SLC8A2: variants seen among roughly 807,000 people sequenced by gnomAD.
The protein encoded by SLC8A2 is solute carrier family 8 member A2.
Under a neutral mutation model 70.2 loss-of-function variants are expected in SLC8A2, and 14 were observed. The observed-to-expected ratio is 0.20, with a 90% CI of 0.13 to 0.31. The LOEUF is 0.31. Ranked by LOEUF, SLC8A2 falls within the 10% of genes least tolerant of loss-of-function variation. The probability of loss-of-function intolerance (pLI) is 1.00; values close to 1 mark genes in which losing one functional copy is unlikely to be tolerated. For synonymous variants in SLC8A2, 575 were observed against 594.3 expected (o/e 0.97, Z 0.47); for missense variants, 779 against 1,320.1 (o/e 0.59, Z 6.35).
chr19:47,456,639 T>G (rs1967306298), intron 3 of SLC8A2, among the ~76,000 whole-genome samples: 1 of 152,206 alleles, frequency 6.6e-6, no homozygotes, highest in South Asian at 2.1e-4. Context: ...CACTCCAGCC[T>G]GGGCAGCATA....
At chr19:47,438,048 C>T (rs868099525) in intron 6 of SLC8A2, 75 bp from the exon 7 acceptor site, 12 of 1,573,066 alleles carry the variant, frequency 7.6e-6, no homozygotes, top group African/African-American at 5.4e-5. Flanking sequence ...TACTACCTGT[C>T]CCCATAGTTA....
chr19:47,457,111 C>T lies in SLC8A2; in HGVS notation c.1159G>A (p.Glu387Lys), dbSNP rs1967315159. ...RRAAPAEGAG[E>K]DEDDGASRIF... The stretch of plus-strand genomic sequence containing the variant: ...CGGCTGGCGCCGTCGTCTTCGTCCT[C>T]GCCCGCGCCCTCGGCCGGCGCCGCC... The change falls in exon 3 of 10, where the codon GAG becomes AAG. Residue 387 changes from glutamate to lysine, a missense_variant. Physicochemically the swap from Glu to Lys is moderately conservative, Grantham distance 56. Around this residue, in one of 6 missense-constraint regions of SLC8A2, gnomAD observed 186 missense variants for 246.6 expected, o/e 0.75. Transcript: ENST00000236877. 1.3e-6 allele frequency: 2 copies of T among 1,552,602 alleles called. No individual in the cohort carries two copies. Among genetic ancestry groups the T allele is most frequent in the African/African-American group, 2.7e-5 (2 of 72,954 alleles).
intron 6 of SLC8A2, among the ~76,000 whole-genome samples, chr19:47,440,346 A>G (rs1967085768): frequency 6.6e-6 from 1 of 151,606 alleles, no homozygotes; most frequent in South Asian, 2.1e-4. Flanking sequence ...ACCCCACCTC[A>G]CTCCTAATCA....
intron 2 of SLC8A2, among the ~76,000 whole-genome samples, chr19:47,457,797 T>TTTTCTCTTC (rs1555750060): frequency 9.5e-5 from 9 of 94,914 alleles, no homozygotes; most frequent in Non-Finnish European, 1.9e-4. Flanking sequence ...TTTTCTTTTC[T>TTTTCTCTTC]CTTCCTTCCT....
intron 8 of SLC8A2, among the ~76,000 whole-genome samples, chr19:47,436,429 G>A (rs1967029967): frequency 1.3e-5 from 2 of 152,216 alleles, no homozygotes; most frequent in Non-Finnish European, 2.9e-5. Flanking sequence ...TCCCTCAGAA[G>A]TATGTCAGAA....
intron 9 of SLC8A2, among the ~76,000 whole-genome samples, chr19:47,431,657 CAAAAAAA>C (rs774813485): frequency 4.2e-5 from 2 of 47,282 alleles, no homozygotes; most frequent in African/African-American, 9.1e-5. Flanking sequence ...GTCCCCACAC[CAAAAAAA>C]AAAAAAAAAA....
In SLC8A2 at chr19:47,447,921, C is replaced by T; in HGVS notation, c.1651G>A (p.Ala551Thr). 1 of 1,567,670 alleles carries T rather than the reference C, an allele frequency of 6.4e-7. No homozygotes were observed. Residue 551 changes from alanine to threonine, a missense_variant, in exon 4 of 10, where the codon GCG (alanine) becomes ACG (threonine). Physicochemically the swap from Ala to Thr is moderately conservative, Grantham distance 58. Coordinates refer to ENST00000236877, the MANE Select transcript of SLC8A2 (RefSeq NM_015063.3). This position sits in a 1 kb window ranked among gnomAD's most constrained non-coding sequence, Gnocchi z 5.1. ...VDVRVVRSSG[A>T]RGTVRLPYRT... The stretch of plus-strand genomic sequence containing the variant: ...TAGGGAAGGCGCACGGTGCCGCGCG[C>T]GCCCGAGCTGCGCACGACGCGCACG...
intron 2 of SLC8A2, among the ~76,000 whole-genome samples, chr19:47,459,531 C>T (rs374592264): frequency 1.8e-4 from 27 of 151,806 alleles, no homozygotes; most frequent in East Asian, 1.4e-3. Flanking sequence ...CGTGCGTGCG[C>T]GTGTGTGCGC....
At chr19:47,437,280 C>G (rs1348803181) in intron 8 of SLC8A2, among the ~76,000 whole-genome samples, 182 bp downstream of exon 8, 1 of 152,044 alleles carries the variant, frequency 6.6e-6, no homozygotes, top group Non-Finnish European at 1.5e-5. Flanking sequence ...TCATTGCAGC[C>G]TCAAACTCCT....
At chr19:47,444,286 A>G (rs1306649582) in intron 4 of SLC8A2, among the ~76,000 whole-genome samples, 2 of 152,022 alleles carry the variant, frequency 1.3e-5, no homozygotes, top group Non-Finnish European at 2.9e-5. Context: ...CAAGCAGAAG[A>G]GTTTCAATCA....
intron 2 of SLC8A2, among the ~76,000 whole-genome samples, chr19:47,459,578 G>C (rs1055063168): frequency 3.3e-5 from 5 of 151,904 alleles, no homozygotes; most frequent in Non-Finnish European, 5.9e-5. Context: ...ATGTGTATGT[G>C]CGTGTGTGTG....
intron 7 of SLC8A2, 21 bp downstream of exon 7, chr19:47,437,828 G>A: frequency 1.2e-6 from 2 of 1,613,896 alleles, no homozygotes; most frequent in Non-Finnish European, 1.7e-6. Flanking sequence ...ACTCCAGGAA[G>A]GTGAGGCCCC....
Position 47,447,621 on chromosome 19 carries a change from TCGTGGGCATGGGTCACAGGC to T in SLC8A2, c.1763+168_1763+187del. 2.5e-6 allele frequency: 1 copy of T among 395,246 alleles called. No homozygotes were observed. Among genetic ancestry groups the T allele is most frequent in the Non-Finnish European group, 4.4e-6 (1 of 228,900 alleles). 24.5% of individuals were successfully genotyped at this position (395,246 alleles called of 1,614,324 possible). ...GCTGTTCAGTGAAGCCCCGCCCACGTCGTGGGCATGGGTCACAGGCCCCGCCCACGTTGCGGGCACGGCCA... is the reference window on the plus strand; with the variant it reads ...GCTGTTCAGTGAAGCCCCGCCCACGTCCCGCCCACGTTGCGGGCACGGCCA... On this transcript the variant is annotated intron_variant, in intron 4 of 9. Transcript: ENST00000236877. This position sits in a 1 kb window ranked among gnomAD's most constrained non-coding sequence, Gnocchi z 5.1.
At position 47,430,514 on chromosome 19, in the gene SLC8A2, C is replaced by A. The variant is rs1356777648; in HGVS notation, c.2390-49G>T. 3.3e-6 allele frequency: 5 copies of A among 1,508,632 alleles called. No individual in the cohort carries two copies. Among genetic ancestry groups the A allele is most frequent in the Non-Finnish European group, 8.8e-7 (1 of 1,132,716 alleles). 93.5% of individuals were successfully genotyped at this position (1,508,632 alleles called of 1,614,324 possible). On this transcript the variant is annotated intron_variant, in intron 9 of 9. Coordinates refer to ENST00000236877, the MANE Select transcript of SLC8A2 (RefSeq NM_015063.3). This position sits in a 1 kb window ranked among gnomAD's most constrained non-coding sequence, Gnocchi z 5.9. ...CGGAGGGGCTTTGCGCCGCCACCCA[C>A]AGGGGCGGGCATCCGCCTGCCCCCT...
chr19:47,435,076 G>A (rs985322343), intron 8 of SLC8A2, among the ~76,000 whole-genome samples: 2 of 151,996 alleles, frequency 1.3e-5, no homozygotes, highest in Non-Finnish European at 2.9e-5. Flanking sequence ...AGACATGGTG[G>A]TGGGTGCCTG....
intron 1 of SLC8A2, among the ~76,000 whole-genome samples, chr19:47,467,165 A>G (rs1967473856): frequency 6.6e-6 from 1 of 152,232 alleles, no homozygotes; most frequent in Admixed American, 6.5e-5. Context: ...GAGGATTTGC[A>G]CAGTGGAATA....
At position 47,465,684 on chromosome 19, in the gene SLC8A2, G is replaced by C; in HGVS notation, c.675+45C>G. On this transcript the variant is annotated intron_variant, in intron 2 of 9. Transcript: ENST00000236877. This position sits in a 1 kb window ranked among gnomAD's most constrained non-coding sequence, Gnocchi z 5.5. ...AGCCAAGAGCACCTCTCTGGATTTT[G>C]CAGACACACATGCACCAAGAAAGCA... The C allele has an allele frequency of 6.7e-7, 1 of 1,483,088 alleles. No individual in the cohort carries two copies. The highest frequency in any genetic ancestry group is 9.2e-7 in the Non-Finnish European group (1 of 1,091,854). 91.9% of individuals were successfully genotyped at this position (1,483,088 alleles called of 1,614,324 possible).
chr19:47,464,983 A>G (rs1225294186), intron 2 of SLC8A2, among the ~76,000 whole-genome samples: 1 of 152,220 alleles, frequency 6.6e-6, no homozygotes, highest in Non-Finnish European at 1.5e-5. Context: ...ATTGGAATAA[A>G]TTATGCAAAG....
chr19:47,441,655 G>A (rs1453851671), intron 4 of SLC8A2, among the ~76,000 whole-genome samples: 1 of 152,182 alleles, frequency 6.6e-6, no homozygotes, highest in African/African-American at 2.4e-5. Flanking sequence ...AGGAAGCTGA[G>A]TCTGATTAAA....
Sources: allele counts gnomAD v4.1 joint callset (sites outside exome capture counted in the v4.1 genomes callset), GRCh38; gene constraint gnomAD v4.1.1; regional missense constraint gnomAD v4.1.1; non-coding constraint Gnocchi (gnomAD v3.1); transcripts MANE v1.5; gene names NCBI Gene and HGNC (gene_info 2026-07-23, HGNC 2026-07-21).